TULP3: variants seen among roughly 807,000 people sequenced by gnomAD.
TULP3 encodes tubby-related protein 3.
In TULP3, 38 loss-of-function variants were observed where a neutral mutation model predicts 50.7. The observed-to-expected ratio is 0.75, with a 90% confidence interval of 0.58 to 0.98. TULP3 has a LOEUF of 0.98. TULP3 is among the 50% of genes least tolerant of loss of function. TULP3 has a pLI of 0.00. For synonymous variants in TULP3, 183 were observed against 196.6 expected (o/e 0.93, Z 0.58); for missense variants, 550 against 568.0 (o/e 0.97, Z 0.32).
intron 3 of TULP3, among the ~76,000 whole-genome samples, chr12:2,921,128 A>G (rs2098191436): frequency 6.6e-6 from 1 of 152,092 alleles, no homozygotes; most frequent in South Asian, 2.1e-4. Flanking sequence ...GTTTGCGTCC[A>G]TTTTAGAACT....
At chr12:2,910,946 T>G (rs926583180) in intron 2 of TULP3, among the ~76,000 whole-genome samples, 8 of 152,182 alleles carry the variant, frequency 5.3e-5, no homozygotes, top group African/African-American at 1.9e-4. Flanking sequence ...TGATTTATTT[T>G]TATTCATTTT....
Position 2,920,842 on chromosome 12 carries a change from G to A in TULP3, c.173G>A (p.Arg58His), listed in dbSNP as rs550241450. 1.6e-5 allele frequency: 26 copies of A among 1,614,136 alleles called. No homozygotes were observed. Among genetic ancestry groups the A allele is most frequent in the Middle Eastern group, 1.6e-4 (1 of 6,062 alleles). ...CAGCCCAATCCAGAAGCCAGGCTAC[G>A]TCGGGCAAAGCCAAGGGCCAGTGAT... ...MVQPNPEARL[R>H]RAKPRASDEQ... Residue 58 changes from arginine to histidine, a missense_variant, in exon 3 of 11, where the codon CGT becomes CAT. By Grantham distance (29) the Arg-to-His change is conservative (BLOSUM62 0). Coordinates refer to ENST00000448120, the MANE Select transcript of TULP3 (RefSeq NM_003324.5).
intron 2 of TULP3, among the ~76,000 whole-genome samples, chr12:2,910,371 G>T (rs916769271): frequency 7.9e-5 from 12 of 152,332 alleles, no homozygotes; most frequent in African/African-American, 2.9e-4. Context: ...TAAGCTCTGT[G>T]AGAACAGAGC....
At chr12:2,910,643 A>C (rs182048851) in intron 2 of TULP3, among the ~76,000 whole-genome samples, 91 of 152,346 alleles carry the variant, frequency 6.0e-4, no homozygotes, top group Middle Eastern at 6.8e-3. Context: ...TGGATTCAAT[A>C]GGTGACTAAA....
Position 2,940,825 on chromosome 12 carries a change from A to G in TULP3, c.*1381A>G. On this transcript the variant is annotated 3_prime_UTR_variant, in exon 11 of 11. Coordinates refer to ENST00000448120, the MANE Select transcript of TULP3 (RefSeq NM_003324.5). Reference sequence around the variant, plus strand: ...GAGACTGTTTCCATCTCAGGCATGTATCCCACCAAGTGCCTCCCTCACAGC... The same window carrying G: ...GAGACTGTTTCCATCTCAGGCATGTGTCCCACCAAGTGCCTCCCTCACAGC... The G allele has an allele frequency of 3.5e-6, 4 of 1,147,708 alleles. No individual in the cohort carries two copies. In the South Asian group the frequency reaches 6.3e-5, roughly 18 times the overall value. The allele number at this position is 1,147,708 out of a possible 1,614,324, so 71.1% of individuals were successfully genotyped here.
In TULP3 at chr12:2,934,865, C is replaced by T. The variant is rs145573915; in HGVS notation, c.924+304C>T. On this transcript the variant is annotated intron_variant, in intron 8 of 10. Coordinates refer to ENST00000448120, the MANE Select transcript of TULP3 (RefSeq NM_003324.5). Reference sequence around the variant, plus strand: ...ATAAATTAAAGCTGATCTTTTTTTGCTTTTAATCTTTTCCTATCTAGTTCA... The same window carrying T: ...ATAAATTAAAGCTGATCTTTTTTTGTTTTTAATCTTTTCCTATCTAGTTCA... Among the ~76,000 whole-genome samples the T allele has an allele frequency of 1.8e-3, 267 of 152,020 alleles. 3 individuals carry two copies. The highest frequency in any genetic ancestry group is 5.9e-3 in the African/African-American group (243 of 41,508).
chr12:2,937,585 A>C (rs191939923), intron 8 of TULP3, 46 bp from the exon 9 acceptor site: 35 of 1,380,054 alleles, frequency 2.5e-5, no homozygotes, highest in Non-Finnish European at 3.6e-5. Context: ...TGTGGTCTCT[A>C]TTTTTTTCCT....
intron 1 of TULP3, among the ~76,000 whole-genome samples, chr12:2,903,023 G>A (rs143002139): frequency 1.3e-5 from 2 of 151,768 alleles, no homozygotes; most frequent in East Asian, 4.0e-4. Context: ...CACAATGCCT[G>A]GCTAATTTTT....
chr12:2,907,889 ATTTG>A (rs1346515540), intron 1 of TULP3, among the ~76,000 whole-genome samples: 1 of 152,050 alleles, frequency 6.6e-6, no homozygotes, highest in East Asian at 1.9e-4. Flanking sequence ...ATTTTTGTTT[ATTTG>A]TTCCTCTTTG....
Position 2,934,492 on chromosome 12 carries a change from C to T in TULP3, c.855C>T (p.Ile285=). The T allele has an allele frequency of 6.2e-7, 1 of 1,605,388 alleles. No homozygotes were observed. Among genetic ancestry groups the T allele is most frequent in the Non-Finnish European group, 8.5e-7 (1 of 1,176,320 alleles). Residue 285 remains isoleucine (I), a synonymous_variant, in exon 8 of 11, where the codon ATC becomes ATT. Transcript: ENST00000448120. ...GTKFTVYDRG[I]CPMKGRGLVG... ...AGTTTACAGTTTATGACCGTGGCAT[C>T]TGCCCCATGAAGGGCCGGGGTTTGG...
At chr12:2,909,858 A>G (rs2098184444) in intron 2 of TULP3, among the ~76,000 whole-genome samples, 1 of 152,236 alleles carries the variant, frequency 6.6e-6, no homozygotes. Context: ...AGGAATTAGA[A>G]GAGTGTTAAC....
At chr12:2,910,932 T>A (rs1251351293) in intron 2 of TULP3, among the ~76,000 whole-genome samples, 1 of 152,182 alleles carries the variant, frequency 6.6e-6, no homozygotes, top group Non-Finnish European at 1.5e-5. Context: ...AAAATGTAGA[T>A]CTTTGATTTA....
intron 5 of TULP3, 108 bp from the exon 6 acceptor site, chr12:2,930,929 T>C: frequency 8.3e-7 from 1 of 1,201,088 alleles, no homozygotes; most frequent in Non-Finnish European, 1.2e-6. Context: ...GTCAGAAGAC[T>C]GAAGACACGG....
intron 1 of TULP3, among the ~76,000 whole-genome samples, chr12:2,897,949 A>C (rs1034934841): frequency 1.3e-5 from 2 of 151,490 alleles, no homozygotes; most frequent in African/African-American, 2.4e-5. Flanking sequence ...GTGGTGGCGC[A>C]TGCCTGTGAT....
At chr12:2,932,231 G>T (rs932441353) in intron 6 of TULP3, among the ~76,000 whole-genome samples, 4 of 152,080 alleles carry the variant, frequency 2.6e-5, no homozygotes, top group Admixed American at 6.6e-5. Context: ...CTTTCCTGAT[G>T]TGCTTCACCA....
In TULP3 at chr12:2,894,309, GGA is replaced by G. The variant is rs1389555540; in HGVS notation, c.41+3322_41+3323del. 6.2e-3 allele frequency among the ~76,000 whole-genome samples: 262 copies of G among 42,462 alleles called. 3 individuals are homozygous for G. The highest frequency in any genetic ancestry group is 0.014 in the East Asian group (14 of 984). 27.9% of individuals were successfully genotyped at this position (42,462 alleles called of 152,430 possible). ...TGGCGGGGGGGCGGGGCGGGGGGGG[GGA>G]AATCACCTGAGGTCACGAGTTCAAG... On this transcript the variant is annotated intron_variant, in intron 1 of 10. Transcript: ENST00000448120.
chr12:2,932,986 A>G (rs2098199051), intron 6 of TULP3, among the ~76,000 whole-genome samples: 1 of 151,490 alleles, frequency 6.6e-6, no homozygotes, highest in African/African-American at 2.4e-5. Flanking sequence ...TCTGTCACCC[A>G]GGCTGGAGTG....
In TULP3 at chr12:2,937,200, A is replaced by ATTTTTTT. The variant is rs771074689; in HGVS notation, c.925-406_925-400dup. Among the ~76,000 whole-genome samples, 67 of 54,470 alleles carry ATTTTTTT rather than the reference A, an allele frequency of 1.2e-3. 15 individuals are homozygous for ATTTTTTT. The highest frequency in any genetic ancestry group is 2.4e-3 in the South Asian group (2 of 840). The allele number at this position is 54,470 out of a possible 152,430, so 35.7% of individuals were successfully genotyped here. A position where few individuals can be genotyped will look rare whatever the true frequency, so the allele number is the denominator to read the frequency against. Reference sequence around the variant, plus strand: ...AATAAAATTATTTTTGGTACACCTGATTTTTTTTTTTTTTTTTTTTTTTTT... The same window carrying ATTTTTTT: ...AATAAAATTATTTTTGGTACACCTGATTTTTTTTTTTTTTTTTTTTTTTTTTTTTTTT... On this transcript the variant is annotated intron_variant, in intron 8 of 10. Coordinates refer to ENST00000448120, the MANE Select transcript of TULP3 (RefSeq NM_003324.5).
At position 2,893,333 on chromosome 12, in the gene TULP3, T is replaced by TTTTTTG. The variant is rs1555110472; in HGVS notation, c.41+2350_41+2351insGTTTTT. Among the ~76,000 whole-genome samples the TTTTTTG allele has an allele frequency of 9.0e-4, 136 of 150,784 alleles. 2 individuals carry two copies. The highest frequency in any genetic ancestry group is 8.3e-3 in the Admixed American group (125 of 15,144). On this transcript the variant is annotated intron_variant, in intron 1 of 10. Coordinates refer to ENST00000448120, the MANE Select transcript of TULP3 (RefSeq NM_003324.5). ...CAGGTTGTGTGTTTAATGTGTTTTT[T>TTTTTTG]TTTTTTTTTTTCCAAACGGAGTTTC...
Sources: allele counts gnomAD v4.1 joint callset (sites outside exome capture counted in the v4.1 genomes callset), GRCh38; gene constraint gnomAD v4.1.1; transcripts MANE v1.5; gene names NCBI Gene and HGNC (gene_info 2026-07-23, HGNC 2026-07-21).